KCNJ6: variants seen among roughly 807,000 people sequenced by gnomAD.
KCNJ6 encodes the protein potassium inwardly rectifying channel subfamily J member 6.
KCNJ6 carries 9 observed loss-of-function variants against 34.2 expected under a neutral mutation model. The observed-to-expected ratio is 0.26, with a 90% confidence interval of 0.16 to 0.46. The LOEUF is 0.46. KCNJ6 is among the 20% of genes least tolerant of loss of function. The pLI, the probability that KCNJ6 is intolerant of heterozygous loss-of-function variation, is 1.00. For missense variants in KCNJ6, 236 were observed against 531.3 expected (o/e 0.44, Z 5.46); for synonymous variants, 196 against 207.1 (o/e 0.95, Z 0.46).
chr21:37,621,330 C>T lies in KCNJ6; in HGVS notation c.*3829G>A, dbSNP rs2054289178. 1 of 152,186 alleles carries T rather than the reference C, an allele frequency of 6.6e-6. No homozygotes were observed. The highest frequency in any genetic ancestry group is 1.5e-5 in the Non-Finnish European group (1 of 68,034). 9.4% of individuals were successfully genotyped at this position (152,186 alleles called of 1,614,324 possible). ...TGATTTCCCATTCTTCTGGTGAGTT[C>T]AGGTAGTTTTCTAATAGCATTCTTA... On this transcript the variant is annotated 3_prime_UTR_variant, in exon 4 of 4. Transcript: ENST00000609713.
At chr21:37,767,489 C>T (rs767501925) in intron 2 of KCNJ6, among the ~76,000 whole-genome samples, 29 of 152,154 alleles carry the variant, frequency 1.9e-4, no homozygotes, top group Non-Finnish European at 3.4e-4. Flanking sequence ...AGGGAAGAGG[C>T]TGGGCCACAC....
rs145555360 is a variant in KCNJ6, at chr21:37,838,596, A to G, written c.25+2062T>C. On this transcript the variant is annotated intron_variant, in intron 2 of 3. Transcript: ENST00000609713. ...TTAAAGATTAGAAAGAAATCTGCTC[A>G]TGTGCTGTGGATTGTGAATTAGTTG... is the stretch of plus-strand genomic sequence containing the variant. Among the ~76,000 whole-genome samples the G allele has an allele frequency of 3.5e-3, 537 of 152,338 alleles. 2 individuals are homozygous for G. Among genetic ancestry groups the G allele is most frequent in the Admixed American group, 6.9e-3 (105 of 15,302 alleles).
intron 3 of KCNJ6, among the ~76,000 whole-genome samples, chr21:37,679,465 G>A (rs2054581152): frequency 6.6e-6 from 1 of 152,226 alleles, no homozygotes; most frequent in Non-Finnish European, 1.5e-5. Flanking sequence ...TAAGGATTTT[G>A]TGAGTTAATA....
intron 2 of KCNJ6, among the ~76,000 whole-genome samples, chr21:37,806,851 C>T (rs1484049869): frequency 6.6e-6 from 1 of 152,044 alleles, no homozygotes; most frequent in Non-Finnish European, 1.5e-5. Flanking sequence ...AAACCTTAAA[C>T]TTAACTAAGG....
chr21:37,654,645 G>T (rs1429962358), intron 3 of KCNJ6, among the ~76,000 whole-genome samples: 2 of 152,156 alleles, frequency 1.3e-5, no homozygotes, highest in South Asian at 2.1e-4. Flanking sequence ...CTTCTCAATG[G>T]CTCGGTGAAG....
chr21:37,726,509 C>A (rs755454743), intron 2 of KCNJ6, among the ~76,000 whole-genome samples: 2 of 152,164 alleles, frequency 1.3e-5, no homozygotes, highest in Non-Finnish European at 2.9e-5. Flanking sequence ...ATTGTCCATG[C>A]CACAGCATTA....
Position 37,612,657 on chromosome 21 carries a change from C to T in KCNJ6, c.*12502G>A, listed in dbSNP as rs1239179550. On this transcript the variant is annotated 3_prime_UTR_variant, in exon 4 of 4. Coordinates refer to ENST00000609713, the MANE Select transcript of KCNJ6 (RefSeq NM_002240.5). Reference sequence around the variant, plus strand: ...CCTTGGCAAAGGAGCACAGGCAAAACAGTGCGGCAAAGAGGGTCTTTTCAA... The same window carrying T: ...CCTTGGCAAAGGAGCACAGGCAAAATAGTGCGGCAAAGAGGGTCTTTTCAA... The T allele has an allele frequency of 1.4e-5, 2 of 144,148 alleles. No homozygotes were observed. Among genetic ancestry groups the T allele is most frequent in the Non-Finnish European group, 3.0e-5 (2 of 66,924 alleles). The allele number at this position is 144,148 out of a possible 1,614,324, so 8.9% of individuals were successfully genotyped here. A position where few individuals can be genotyped will look rare whatever the true frequency, so the allele number is the denominator to read the frequency against.
intron 3 of KCNJ6, among the ~76,000 whole-genome samples, chr21:37,653,076 C>G (rs2054441163): frequency 6.6e-6 from 1 of 152,112 alleles, no homozygotes; most frequent in African/African-American, 2.4e-5. Flanking sequence ...GATTATTTAG[C>G]AGAGATCAGC....
rs1214828342 is a variant in KCNJ6, at chr21:37,609,758, G to A, written c.*15401C>T. 6.6e-6 allele frequency: 1 copy of A among 151,636 alleles called. No homozygotes were observed. The highest frequency in any genetic ancestry group is 1.5e-5 in the Non-Finnish European group (1 of 67,932). The allele number at this position is 151,636 out of a possible 1,614,324, so 9.4% of individuals were successfully genotyped here. On this transcript the variant is annotated 3_prime_UTR_variant, in exon 4 of 4. Coordinates refer to ENST00000609713, the MANE Select transcript of KCNJ6 (RefSeq NM_002240.5). ...TTTGTTTTTCTGACTGGGGCCCTAG[G>A]TGCATGCTTTAGGGAGGGTAGAGCT...
intron 2 of KCNJ6, among the ~76,000 whole-genome samples, chr21:37,799,002 C>T (rs149994829): frequency 5.3e-5 from 8 of 151,794 alleles, no homozygotes; most frequent in East Asian, 3.9e-4. Context: ...TTTGTTGTAC[C>T]GAATATTTTG....
chr21:37,688,577 A>G (rs780800393), intron 3 of KCNJ6, among the ~76,000 whole-genome samples: 36 of 152,226 alleles, frequency 2.4e-4, no homozygotes, highest in Non-Finnish European at 4.6e-4. Flanking sequence ...ACACAAGTCC[A>G]GGGCTTTTCC....
At chr21:37,893,396 T>TG (rs1359256607) in intron 1 of KCNJ6, among the ~76,000 whole-genome samples, 1 of 150,608 alleles carries the variant, frequency 6.6e-6, no homozygotes, top group Non-Finnish European at 1.5e-5. Flanking sequence ...TTAGTACAGA[T>TG]GGGGTTTCAC....
At chr21:37,914,008 GGTGTGTGTGTGTGTGTGTGTGTGTGT>G (rs371432862) in intron 1 of KCNJ6, among the ~76,000 whole-genome samples, 6 of 135,480 alleles carry the variant, frequency 4.4e-5, no homozygotes, top group African/African-American at 8.3e-5. Context: ...GGCGGATCGG[GGTGTGTGTGTGTGTGTGTGTGTGTGT>G]GTGTGTGTGT....
intron 2 of KCNJ6, among the ~76,000 whole-genome samples, chr21:37,727,350 A>C (rs887898226): frequency 3.3e-5 from 5 of 152,116 alleles, no homozygotes; most frequent in Non-Finnish European, 4.4e-5. Flanking sequence ...GGCAGATTGC[A>C]GTGGGTTAAG....
Position 37,859,588 on chromosome 21 carries a change from C to T in KCNJ6, c.-27-18879G>A, listed in dbSNP as rs11910814. Among the ~76,000 whole-genome samples, 117 of 142,762 alleles carry T rather than the reference C, an allele frequency of 8.2e-4. 1 individual carries two copies. The highest frequency in any genetic ancestry group is 2.4e-3 in the African/African-American group (91 of 37,362). The allele number at this position is 142,762 out of a possible 152,430, so 93.7% of individuals were successfully genotyped here. A position where few individuals can be genotyped will look rare whatever the true frequency, so the allele number is the denominator to read the frequency against. ...GCCAGCACTGGGTGTTGAGCAGCCC[C>T]AGTTTTTCATTCCAGGGCTTCTGAC... On this transcript the variant is annotated intron_variant, in intron 1 of 3. Coordinates refer to ENST00000609713, the MANE Select transcript of KCNJ6 (RefSeq NM_002240.5).
chr21:37,706,511 A>G (rs1200624552), intron 3 of KCNJ6, among the ~76,000 whole-genome samples: 4 of 152,208 alleles, frequency 2.6e-5, no homozygotes, highest in South Asian at 4.1e-4. Flanking sequence ...GGTGTGTCCT[A>G]TGTAGGGGCT....
intron 3 of KCNJ6, among the ~76,000 whole-genome samples, chr21:37,636,284 T>C (rs2123372550): frequency 6.6e-6 from 1 of 152,350 alleles, no homozygotes; most frequent in Non-Finnish European, 1.5e-5. Context: ...AAATAATGTC[T>C]TATTAGCTAC....
intron 3 of KCNJ6, among the ~76,000 whole-genome samples, chr21:37,668,688 GGAA>G: frequency 6.6e-6 from 1 of 152,300 alleles, no homozygotes; most frequent in African/African-American, 2.4e-5. Flanking sequence ...GCTGGTTGGA[GGAA>G]GCTGGCCTGC....
chr21:37,753,232 G>A (rs191801147), intron 2 of KCNJ6, among the ~76,000 whole-genome samples: 6 of 152,284 alleles, frequency 3.9e-5, no homozygotes, highest in South Asian at 4.2e-4. Context: ...CCAGAAGCAC[G>A]GATTGAACCT....
Sources: allele counts gnomAD v4.1 joint callset (sites outside exome capture counted in the v4.1 genomes callset), GRCh38; gene constraint gnomAD v4.1.1; transcripts MANE v1.5; gene names NCBI Gene and HGNC (gene_info 2026-07-23, HGNC 2026-07-21).